UBE2K: variants seen among roughly 807,000 people sequenced by gnomAD.
The protein encoded by UBE2K is ubiquitin conjugating enzyme E2 K.
Under a neutral mutation model 30.0 loss-of-function variants are expected in UBE2K, and 6 were observed. The ratio of observed to expected loss-of-function variants is 0.20; its 90% CI spans 0.11 to 0.39. The LOEUF (loss-of-function observed/expected upper bound fraction) is 0.39, where lower values mean the gene tolerates loss of function less well. Among genes scored for constraint, UBE2K ranks in the 10% least tolerant of loss-of-function variants. The pLI is 1.00. For synonymous variants in UBE2K, 86 were observed against 83.7 expected (o/e 1.03, Z -0.15); for missense variants, 61 against 241.6 (o/e 0.25, Z 4.96).
At chr4:39,771,207 A>G in intron 4 of UBE2K, 3 of 1,612,776 alleles carry the variant, frequency 1.9e-6, no homozygotes, top group South Asian at 1.1e-5. Context: ...CGATGCGTGC[A>G]CTGTGCATCA....
At chr4:39,756,728 A>G (rs1307992584) in intron 4 of UBE2K, among the ~76,000 whole-genome samples, 1 of 152,178 alleles carries the variant, frequency 6.6e-6, no homozygotes, top group Admixed American at 6.6e-5. Flanking sequence ...GATTTTATAG[A>G]TGGAAAAACT....
At chr4:39,723,314 A>G (rs1719531402) in intron 1 of UBE2K, among the ~76,000 whole-genome samples, 1 of 146,526 alleles carries the variant, frequency 6.8e-6, no homozygotes. Context: ...AAGTGCTGAG[A>G]TTACATGCAT....
intron 1 of UBE2K, among the ~76,000 whole-genome samples, chr4:39,722,678 G>A (rs1719490043): frequency 6.7e-6 from 1 of 149,180 alleles, no homozygotes; most frequent in Admixed American, 6.7e-5. Flanking sequence ...AACCCACAAA[G>A]ACGTGGGGAG....
At chr4:39,749,018 G>C (rs574586601) in intron 3 of UBE2K, among the ~76,000 whole-genome samples, 148 of 152,272 alleles carry the variant, frequency 9.7e-4, no homozygotes, top group African/African-American at 3.5e-3. Context: ...GTTCACATGT[G>C]TTTGGACTCA....
intron 1 of UBE2K, among the ~76,000 whole-genome samples, chr4:39,704,503 G>A (rs1289680978): frequency 6.6e-6 from 1 of 151,938 alleles, no homozygotes; most frequent in Non-Finnish European, 1.5e-5. Flanking sequence ...TCCATTGGGC[G>A]TAGGTTTAGA....
intron 1 of UBE2K, among the ~76,000 whole-genome samples, chr4:39,731,543 G>A (rs546092592): frequency 2.0e-5 from 3 of 152,148 alleles, no homozygotes; most frequent in South Asian, 4.2e-4. Flanking sequence ...TTAGCCAGGC[G>A]TGGTGGCGGG....
rs1343848335 is a variant in UBE2K, at chr4:39,781,707, CA to C, written c.*3275del. 1.0e-5 allele frequency: 4 copies of C among 381,526 alleles called. No individual in the cohort carries two copies. Among genetic ancestry groups the C allele is most frequent in the Non-Finnish European group, 1.9e-5 (4 of 215,362 alleles). 23.6% of individuals were successfully genotyped at this position (381,526 alleles called of 1,614,324 possible). The stretch of plus-strand genomic sequence containing the variant: ...ATACCTTCTAGTATGTAGAGGGAAA[CA>C]ATGTTTAGATAGGAAAAAGGAAGCC... On this transcript the variant is annotated 3_prime_UTR_variant, in exon 7 of 7. Coordinates refer to ENST00000261427, the MANE Select transcript of UBE2K (RefSeq NM_005339.5).
At chr4:39,718,075 G>T (rs184181173) in intron 1 of UBE2K, among the ~76,000 whole-genome samples, 1 of 152,240 alleles carries the variant, frequency 6.6e-6, no homozygotes, top group Non-Finnish European at 1.5e-5. Flanking sequence ...GACCCGAGTG[G>T]GTTGCCACTG....
intron 1 of UBE2K, among the ~76,000 whole-genome samples, chr4:39,733,164 G>A (rs1427220286): frequency 6.6e-6 from 1 of 151,516 alleles, no homozygotes; most frequent in Non-Finnish European, 1.5e-5. Context: ...AAAATTTACA[G>A]TGATAACACA....
chr4:39,755,573 G>T, intron 3 of UBE2K, 84 bp from the exon 4 acceptor site: 1 of 1,062,146 alleles, frequency 9.4e-7, no homozygotes, highest in Non-Finnish European at 1.4e-6. Flanking sequence ...TCTTTTTTTA[G>T]TTTGAAGATT....
intron 4 of UBE2K, chr4:39,770,528 C>A: frequency 1.2e-6 from 2 of 1,604,084 alleles, no homozygotes. Context: ...CCCCCGCCCC[C>A]CGGGCAACCA....
intron 1 of UBE2K, among the ~76,000 whole-genome samples, chr4:39,721,368 A>G (rs1169247688): frequency 2.0e-5 from 3 of 151,966 alleles, no homozygotes; most frequent in Non-Finnish European, 4.4e-5. Flanking sequence ...AAGAGAAGTT[A>G]TAAGTATTTG....
chr4:39,746,179 A>G (rs181500557), intron 3 of UBE2K, among the ~76,000 whole-genome samples: 1 of 152,230 alleles, frequency 6.6e-6, no homozygotes, highest in African/African-American at 2.4e-5. Context: ...TACCTTCTAC[A>G]TTCAGTCATT....
chr4:39,763,518 G>A (rs1037606789), intron 4 of UBE2K, among the ~76,000 whole-genome samples: 3 of 152,056 alleles, frequency 2.0e-5, no homozygotes, highest in African/African-American at 7.2e-5. Context: ...CCAAAGTGCT[G>A]GGATTACAGG....
chr4:39,765,107 A>C (rs1166403760), intron 4 of UBE2K, among the ~76,000 whole-genome samples: 1 of 151,828 alleles, frequency 6.6e-6, no homozygotes, highest in Non-Finnish European at 1.5e-5. Flanking sequence ...GGATGGTCTC[A>C]ATCTCCTGAC....
chr4:39,711,377 T>G (rs966506616), intron 1 of UBE2K, among the ~76,000 whole-genome samples: 1 of 151,664 alleles, frequency 6.6e-6, no homozygotes, highest in African/African-American at 2.4e-5. Context: ...TTAGCCTGGA[T>G]GGTCTCGATC....
In UBE2K at chr4:39,744,166, AG is replaced by A. The variant is rs201151012; in HGVS notation, c.158-1585del. On this transcript the variant is annotated intron_variant, in intron 2 of 6. Transcript: ENST00000261427. ...GCATGAGCCATTGCACGCAGCCCAGAGTTTCTTAAGAGGCAGTTATCCTTTC... is the reference window on the plus strand; with the variant it reads ...GCATGAGCCATTGCACGCAGCCCAGATTTCTTAAGAGGCAGTTATCCTTTC... Among the ~76,000 whole-genome samples the A allele has an allele frequency of 6.8e-3, 1,029 of 151,842 alleles. 16 individuals are homozygous for A. Among genetic ancestry groups the A allele is most frequent in the African/African-American group, 0.023 (969 of 41,410 alleles).
chr4:39,715,025 ATTT>A (rs905603415), intron 1 of UBE2K, among the ~76,000 whole-genome samples: 4 of 133,828 alleles, frequency 3.0e-5, no homozygotes, highest in African/African-American at 2.7e-5. Context: ...CTCTTGGCTA[ATTT>A]TTTTTTTTTT....
intron 3 of UBE2K, among the ~76,000 whole-genome samples, chr4:39,751,957 ACT>A (rs1453518291): frequency 5.3e-5 from 8 of 152,172 alleles, no homozygotes; most frequent in Non-Finnish European, 7.3e-5. Flanking sequence ...ACCAAGTGAG[ACT>A]CTGTCTCAAT....
Sources: gnomAD v4.1 joint callset for allele counts (sites outside exome capture counted in the v4.1 genomes callset) on GRCh38, gnomAD v4.1.1 for gene constraint, MANE v1.5 for transcripts, NCBI Gene and HGNC (gene_info 2026-07-23, HGNC 2026-07-21) for gene names.